Variants in CPXM2 observed in about 807,000 individuals in gnomAD.
CPXM2 encodes the protein inactive carboxypeptidase-like protein X2.
Under a neutral mutation model 86.1 loss-of-function variants are expected in CPXM2, and 66 were observed. That is an observed-to-expected ratio of 0.77 (90% CI 0.63 to 0.94). The LOEUF is 0.94. Ranked by LOEUF, CPXM2 falls within the 40% of genes least tolerant of loss-of-function variation. The pLI is 0.00. For missense variants in CPXM2, 948 were observed against 1,026.3 expected, an observed-to-expected ratio of 0.92 and a Z score of 1.04; for synonymous variants, 388 against 400.2, an observed-to-expected ratio of 0.97 and a Z score of 0.36.
chr10:123,903,855 G>A (rs568399756), intron 2 of CPXM2, among the ~76,000 whole-genome samples: 18 of 152,320 alleles, frequency 1.2e-4, no homozygotes, highest in African/African-American at 1.2e-4. Context: ...TTTGCCAGGC[G>A]TAGCTGTAAC....
chr10:123,878,274 C>T (rs1365812765), intron 2 of CPXM2, among the ~76,000 whole-genome samples: 1 of 149,756 alleles, frequency 6.7e-6, no homozygotes, highest in Non-Finnish European at 1.5e-5. Flanking sequence ...CCAAGGTTAT[C>T]CTCGACCCCC....
At chr10:123,854,358 A>G in intron 3 of CPXM2, among the ~76,000 whole-genome samples, 1 of 118,800 alleles carries the variant, frequency 8.4e-6, no homozygotes, top group South Asian at 2.3e-4. Flanking sequence ...ATATATATAT[A>G]AAAATATATA....
rs1466360909 is a variant in CPXM2, at chr10:123,891,578, C to T, written c.82G>A (p.Ala28Thr). The change falls in exon 1 of 14, where the codon GCA (alanine) becomes ACA (threonine). Residue 28 changes from alanine (A) to threonine (T), a missense_variant. By Grantham distance (58) the Ala-to-Thr change is moderately conservative. Transcript: ENST00000241305. This position sits in a 1 kb window ranked among gnomAD's most constrained non-coding sequence, Gnocchi z 5.6. ...VTLAGVGAQG[A>T]ALEDPDYYGQ... ...TAATAATCAGGGTCCTCGAGGGCTG[C>T]GCCCTGGGCTCCGACCCCGGCCAGG... 6 of 1,538,656 alleles carry T rather than the reference C, an allele frequency of 3.9e-6. No individual in the cohort carries two copies. Among genetic ancestry groups the T allele is most frequent in the Admixed American group, 2.0e-5 (1 of 49,696 alleles).
intron 6 of CPXM2, among the ~76,000 whole-genome samples, chr10:123,789,847 G>A (rs6599622): frequency 0.061 from 9,358 of 152,182 alleles, 673 homozygotes; most frequent in African/African-American, 0.17. Flanking sequence ...GGCCGGGTGC[G>A]GTGGCTCACA....
intron 4 of CPXM2, among the ~76,000 whole-genome samples, chr10:123,818,729 T>C (rs1041816963): frequency 1.3e-5 from 2 of 152,182 alleles, no homozygotes; most frequent in Non-Finnish European, 2.9e-5. Context: ...GTTGGATTGA[T>C]AGAATGGTGG....
chr10:123,762,735 G>A (rs531470413), intron 10 of CPXM2, among the ~76,000 whole-genome samples: 33 of 152,280 alleles, frequency 2.2e-4, no homozygotes, highest in African/African-American at 6.5e-4. Context: ...AAAAGAAAAC[G>A]ATGTTAAAAG....
intron 4 of CPXM2, among the ~76,000 whole-genome samples, chr10:123,813,973 G>A (rs774952320): frequency 1.3e-5 from 2 of 152,148 alleles, no homozygotes; most frequent in Non-Finnish European, 2.9e-5. Flanking sequence ...CAGAAACTAG[G>A]CCAATCACAG....
In CPXM2 at chr10:123,757,466, C is replaced by T. The variant is rs1163602497; in HGVS notation, c.1778-114G>A. The T allele has an allele frequency of 3.4e-6, 3 of 883,060 alleles. No homozygotes were observed. The Admixed American group carries it at 6.0e-5, about 18-fold the overall frequency. The allele number at this position is 883,060 out of a possible 1,614,324, so 54.7% of individuals were successfully genotyped here. A position where few individuals can be genotyped will look rare whatever the true frequency, so the allele number is the denominator to read the frequency against. Reference sequence around the variant, plus strand: ...GAACATTCGGAAGGCCTTGTTTAAACAGGGAGATATGAAGTATCTACTATA... The same window carrying T: ...GAACATTCGGAAGGCCTTGTTTAAATAGGGAGATATGAAGTATCTACTATA... On this transcript the variant is annotated intron_variant, in intron 11 of 13. Transcript: ENST00000241305.
At chr10:123,776,950 G>A (rs887428148) in intron 7 of CPXM2, 4 of 152,176 alleles carry the variant, frequency 2.6e-5, no homozygotes, top group African/African-American at 9.7e-5. Context: ...GTGGAGAAGA[G>A]GAAAGTTCTC....
Position 123,762,072 on chromosome 10 carries a change from G to A in CPXM2, c.1577C>T (p.Pro526Leu). ...LQGGELVVAY[P>L]YDLVRSPWKT... Reference sequence around the variant, plus strand: ...CCAGGGGGACCGCACCAGGTCGTAGGGGTACGCCACCACCAGCTCGCCGCC... The same window carrying A: ...CCAGGGGGACCGCACCAGGTCGTAGAGGTACGCCACCACCAGCTCGCCGCC... The change falls in exon 11 of 14, where the codon CCC becomes CTC. Residue 526 changes from proline to leucine, a missense_variant. Physicochemically the swap from Pro to Leu is moderately conservative, Grantham distance 98. Coordinates refer to ENST00000241305, the MANE Select transcript of CPXM2 (RefSeq NM_198148.3). 1.2e-6 allele frequency: 2 copies of A among 1,614,082 alleles called. No homozygotes were observed. Among genetic ancestry groups the A allele is most frequent in the Non-Finnish European group, 1.7e-6 (2 of 1,180,008 alleles).
intron 4 of CPXM2, among the ~76,000 whole-genome samples, chr10:123,841,911 T>G (rs1206033803): frequency 6.6e-6 from 1 of 152,202 alleles, no homozygotes; most frequent in Admixed American, 6.5e-5. Flanking sequence ...GATCCTCCAT[T>G]TAGGAACCTA....
intron 4 of CPXM2, among the ~76,000 whole-genome samples, chr10:123,839,935 C>A (rs1486151868): frequency 6.6e-6 from 1 of 152,216 alleles, no homozygotes; most frequent in African/African-American, 2.4e-5. Context: ...TGCCTTCCCT[C>A]TGAGATGTTC....
In CPXM2 at chr10:123,928,841, T is replaced by TCTGTCCAAATTACTGGTTC. The variant is rs1416524053; in HGVS notation, n.174+10617_174+10635dup. Among the ~76,000 whole-genome samples, 909 of 152,350 alleles carry TCTGTCCAAATTACTGGTTC rather than the reference T, an allele frequency of 6.0e-3. 8 individuals are homozygous for TCTGTCCAAATTACTGGTTC. The highest frequency in any genetic ancestry group is 0.021 in the African/African-American group (862 of 41,576). Reference sequence around the variant, plus strand: ...TAGGAATAAGCCATTCCCACTGGCTTCTGTCCAAATTACTGGTTCACAAAA... The same window carrying TCTGTCCAAATTACTGGTTC: ...TAGGAATAAGCCATTCCCACTGGCTTCTGTCCAAATTACTGGTTCCTGTCCAAATTACTGGTTCACAAAA... On this transcript the variant is annotated intron_variant and non_coding_transcript_variant, in intron 2 of 19. Coordinates refer to the CPXM2 transcript ENST00000368854.
At chr10:123,767,199 G>A (rs774199214) in intron 9 of CPXM2, 47 bp from the exon 10 acceptor site, 19 of 1,550,656 alleles carry the variant, frequency 1.2e-5, no homozygotes, top group Non-Finnish European at 1.6e-5. Flanking sequence ...GCAGGACAAC[G>A]CGGACCCTCT....
intron 2 of CPXM2, among the ~76,000 whole-genome samples, chr10:123,898,626 G>A (rs1449158617): frequency 6.6e-6 from 1 of 152,178 alleles, no homozygotes; most frequent in Non-Finnish European, 1.5e-5. Flanking sequence ...AACAGAGTGA[G>A]ACTCTGTCTC....
At chr10:123,903,369 A>T (rs959577369) in intron 2 of CPXM2, among the ~76,000 whole-genome samples, 1 of 152,214 alleles carries the variant, frequency 6.6e-6, no homozygotes, top group Non-Finnish European at 1.5e-5. Flanking sequence ...GCAAAGTCTG[A>T]TTCCTCTCTG....
At chr10:123,829,298 G>T (rs1206729659) in intron 4 of CPXM2, among the ~76,000 whole-genome samples, 1 of 152,110 alleles carries the variant, frequency 6.6e-6, no homozygotes, top group African/African-American at 2.4e-5. Context: ...AGTCACTCAA[G>T]GAAACAGTTT....
At chr10:123,747,921 CA>C (rs59206856) in intron 13 of CPXM2, among the ~76,000 whole-genome samples, 151 of 72,030 alleles carry the variant, frequency 2.1e-3, no homozygotes, top group African/African-American at 3.3e-3. Flanking sequence ...GACTCTGTCT[CA>C]AAAAAAAAAA....
At chr10:123,855,340 A>G (rs1848697149) in intron 3 of CPXM2, among the ~76,000 whole-genome samples, 1 of 152,210 alleles carries the variant, frequency 6.6e-6, no homozygotes, top group African/African-American at 2.4e-5. Context: ...GAGACACAGT[A>G]AGGTTTTGCA....
Sources: gnomAD v4.1 joint callset for allele counts (sites outside exome capture counted in the v4.1 genomes callset) on GRCh38, gnomAD v4.1.1 for gene constraint, Gnocchi (gnomAD v3.1) non-coding constraint, MANE v1.5 for transcripts, NCBI Gene and HGNC (gene_info 2026-07-23, HGNC 2026-07-21) for gene names.